SYNPR: variants seen among roughly 807,000 people sequenced by gnomAD.
SYNPR encodes synaptoporin.
SYNPR carries 23 observed loss-of-function variants against 32.9 expected under a neutral mutation model. The observed-to-expected ratio is 0.70, with a 90% CI of 0.50 to 0.99. The LOEUF is 0.99. SYNPR is among the 50% of genes least tolerant of loss of function. SYNPR has a pLI of 0.00. For missense variants in SYNPR, 318 were observed against 349.3 expected (o/e 0.91, Z 0.71); for synonymous variants, 146 against 135.9 (o/e 1.07, Z -0.52).
In SYNPR at chr3:63,261,206, C is replaced by T. The variant is rs576999180; in HGVS notation, n.155-6111C>T. ...AGAAATACCATTTGACCCAGCCATC[C>T]CATTACTGGGTATATACCCAAAGGA... On this transcript the variant is annotated intron_variant and non_coding_transcript_variant, in intron 2 of 4. Transcript: ENST00000478456. Among the ~76,000 whole-genome samples the T allele has an allele frequency of 2.6e-5, 4 of 152,192 alleles. No individual in the cohort carries two copies. In the South Asian group the frequency reaches 8.3e-4, roughly 32 times the overall value.
chr3:63,329,611 G>A lies in SYNPR; in HGVS notation c.84+50869G>A, dbSNP rs892615335. Among the ~76,000 whole-genome samples the A allele has an allele frequency of 2.0e-5, 3 of 152,128 alleles. No homozygotes were observed. The East Asian group carries it at 5.8e-4, about 29-fold the overall frequency. On this transcript the variant is annotated intron_variant, in intron 2 of 5. Coordinates refer to ENST00000478300, the MANE Select transcript of SYNPR (RefSeq NM_001130003.2). ...TGATGACTAGTAATGTTGGCCATAC[G>A]TCTTAAGACTATTTTTACACCTGCA...
intron 1 of SYNPR, among the ~76,000 whole-genome samples, chr3:63,249,712 A>G (rs755999465): frequency 6.6e-5 from 10 of 152,178 alleles, no homozygotes; most frequent in Non-Finnish European, 1.3e-4. Flanking sequence ...AATTACAACA[A>G]AAATGGAAAC....
chr3:63,414,281 T>C (rs1259924298), intron 2 of SYNPR, among the ~76,000 whole-genome samples: 1 of 152,130 alleles, frequency 6.6e-6, no homozygotes, highest in Non-Finnish European at 1.5e-5. Context: ...TTCTTACAAA[T>C]GTAAAACATT....
chr3:63,519,188 C>T (rs924566961), intron 3 of SYNPR, among the ~76,000 whole-genome samples: 17 of 152,126 alleles, frequency 1.1e-4, no homozygotes, highest in South Asian at 4.2e-4. Flanking sequence ...ATTTTTGCAT[C>T]GATGTTCATC....
chr3:63,383,411 T>G (rs2087998563), intron 2 of SYNPR, among the ~76,000 whole-genome samples: 1 of 152,122 alleles, frequency 6.6e-6, no homozygotes, highest in African/African-American at 2.4e-5. Context: ...TGGAGCAGCA[T>G]AGCAAAAGAA....
At chr3:63,259,499 A>G (rs2086418956) in intron 2 of SYNPR, among the ~76,000 whole-genome samples, 1 of 152,210 alleles carries the variant, frequency 6.6e-6, no homozygotes. Context: ...TAGATGCAGA[A>G]AAGGCCTTTG....
chr3:63,517,148 G>A (rs537703411), intron 3 of SYNPR, among the ~76,000 whole-genome samples: 255 of 152,122 alleles, frequency 1.7e-3, no homozygotes, highest in Non-Finnish European at 2.8e-3. Context: ...AACAGTGGAC[G>A]GAAGCACTTA....
At chr3:63,362,513 A>G (rs1211053776) in intron 2 of SYNPR, among the ~76,000 whole-genome samples, 2 of 152,178 alleles carry the variant, frequency 1.3e-5, no homozygotes, top group Non-Finnish European at 2.9e-5. Flanking sequence ...GGAGCCTACC[A>G]TGTTGCCAAG....
chr3:63,362,511 C>T (rs1006005563), intron 2 of SYNPR, among the ~76,000 whole-genome samples: 2 of 152,076 alleles, frequency 1.3e-5, no homozygotes, highest in African/African-American at 4.8e-5. Flanking sequence ...ATGGAGCCTA[C>T]CATGTTGCCA....
At chr3:63,276,891 T>A (rs1436125745), upstream of SYNPR, among the ~76,000 whole-genome samples, 1 of 114,962 alleles carries the variant, frequency 8.7e-6, no homozygotes, top group Non-Finnish European at 1.9e-5. Context: ...CTTCTACATA[T>A]CAAATACCCA....
chr3:63,327,865 C>T (rs1280057255), intron 2 of SYNPR, among the ~76,000 whole-genome samples: 1 of 151,986 alleles, frequency 6.6e-6, no homozygotes, highest in Non-Finnish European at 1.5e-5. Flanking sequence ...TGTTCACCCT[C>T]TGAAAATTCA....
At chr3:63,574,574 T>G (rs1420056200) in intron 4 of SYNPR, among the ~76,000 whole-genome samples, 1 of 152,140 alleles carries the variant, frequency 6.6e-6, no homozygotes, top group Non-Finnish European at 1.5e-5. Flanking sequence ...ATGAATTATC[T>G]GGTCCAAAAT....
intron 2 of SYNPR, among the ~76,000 whole-genome samples, chr3:63,327,414 T>C (rs1377267225): frequency 6.6e-6 from 1 of 152,130 alleles, no homozygotes; most frequent in African/African-American, 2.4e-5. Context: ...TATTTATGTA[T>C]TGTGTATGTG....
intron 2 of SYNPR, among the ~76,000 whole-genome samples, chr3:63,374,095 G>C (rs543806574): frequency 6.6e-6 from 1 of 152,310 alleles, no homozygotes; most frequent in South Asian, 2.1e-4. Context: ...ATATGGAAAG[G>C]AAAGGCCAAT....
chr3:63,381,740 GTT>G (rs2087973170), intron 2 of SYNPR, among the ~76,000 whole-genome samples: 1 of 152,028 alleles, frequency 6.6e-6, no homozygotes, highest in Non-Finnish European at 1.5e-5. Context: ...TTTATTTCGT[GTT>G]TTCTGTTCAT....
chr3:63,499,905 T>TCA (rs60572999), intron 3 of SYNPR, among the ~76,000 whole-genome samples: 42,482 of 150,804 alleles, frequency 0.28, 6,829 homozygotes, highest in African/African-American at 0.45. Context: ...GAAAAGATAA[T>TCA]CACACACACA....
At chr3:63,489,525 G>A (rs1278736086) in intron 3 of SYNPR, among the ~76,000 whole-genome samples, 1 of 152,098 alleles carries the variant, frequency 6.6e-6, no homozygotes, top group Non-Finnish European at 1.5e-5. Context: ...ATCTGTGAAT[G>A]ACCCCATTCT....
chr3:63,381,210 A>G (rs1296555995), intron 2 of SYNPR, among the ~76,000 whole-genome samples: 20 of 152,294 alleles, frequency 1.3e-4, no homozygotes, highest in Middle Eastern at 3.4e-3. Context: ...CAAAGTCTCA[A>G]GATACAAAAT....
chr3:63,495,582 C>T (rs1701355504), intron 3 of SYNPR, among the ~76,000 whole-genome samples: 1 of 152,172 alleles, frequency 6.6e-6, no homozygotes, highest in Non-Finnish European at 1.5e-5. Context: ...TATTTTAGTA[C>T]ATGCACCAGG....
Sources: gnomAD v4.1 joint callset for allele counts (sites outside exome capture counted in the v4.1 genomes callset) on GRCh38, gnomAD v4.1.1 for gene constraint, MANE v1.5 for transcripts, NCBI Gene and HGNC (gene_info 2026-07-23, HGNC 2026-07-21) for gene names.